SIK2: variants seen among roughly 807,000 people sequenced by gnomAD.
SIK2 encodes the protein salt inducible kinase 2, also known as serine/threonine-protein kinase SIK2.
A neutral mutation model predicts 103.2 loss-of-function variants in SIK2; 29 were observed. The ratio of observed to expected loss-of-function variants is 0.28; its 90% CI spans 0.21 to 0.38. SIK2 has a LOEUF of 0.38. Among genes scored for constraint, SIK2 ranks in the 10% least tolerant of loss-of-function variants. The probability of loss-of-function intolerance (pLI) is 1.00; values close to 1 mark genes in which losing one functional copy is unlikely to be tolerated. For missense variants in SIK2, 879 were observed against 1,171.0 expected, an observed-to-expected ratio of 0.75 and a Z score of 3.64; for synonymous variants, 412 against 446.1, an observed-to-expected ratio of 0.92 and a Z score of 0.96.
rs141363754 is a variant in SIK2 at position 111,665,752 on chromosome 11, G to C, written c.317-22249G>C. On this transcript the variant is annotated intron_variant, in intron 3 of 14. Transcript: ENST00000304987. ...GAGGCAGGAGAATCACTTGAACCCG[G>C]GAGGCAGAGGTTGTGGTGAGGTGAG... Among the ~76,000 whole-genome samples, 1,496 of 151,994 alleles carry C rather than the reference G, an allele frequency of 9.8e-3. 6 individuals carry two copies. The highest frequency in any genetic ancestry group is 0.015 in the Non-Finnish European group (1,016 of 67,978).
In SIK2 at chr11:111,602,553, CGG is replaced by C. The variant is rs1941597118; in HGVS notation, c.-8_-7del. 1 of 1,505,062 alleles carries C rather than the reference CGG, an allele frequency of 6.6e-7. No individual in the cohort carries two copies. The highest frequency in any genetic ancestry group is 1.5e-5 in the African/African-American group (1 of 68,876). The allele number at this position is 1,505,062 out of a possible 1,614,324, so 93.2% of individuals were successfully genotyped here. The stretch of plus-strand genomic sequence containing the variant: ...CGCTCCTGTCCGCCGTGTCTAGCAG[CGG>C]GGCCCAGCATGGTCATGGCGGATGG... On this transcript the variant is annotated 5_prime_UTR_variant, in exon 1 of 15. Transcript: ENST00000304987. The surrounding 1 kb of genome is among the most constrained non-coding windows in gnomAD (Gnocchi z 4.5).
Position 111,729,540 on chromosome 11 carries a change from C to G in SIK2, c.*5411C>G, listed in dbSNP as rs1347735975. On this transcript the variant is annotated 3_prime_UTR_variant, in exon 15 of 15. Transcript: ENST00000304987. ...AGATCACAGCTGGTGATAGAAGGAG[C>G]TGGGACACGCGCTTGGGTTGACTGG... 6.6e-6 allele frequency: 1 copy of G among 152,246 alleles called. No individual in the cohort carries two copies. The highest frequency in any genetic ancestry group is 2.4e-5 in the African/African-American group (1 of 41,450). The allele number at this position is 152,246 out of a possible 1,614,324, so 9.4% of individuals were successfully genotyped here.
chr11:111,620,566 T>A (rs1941868455), intron 3 of SIK2, among the ~76,000 whole-genome samples, 164 bp downstream of exon 3: 1 of 152,168 alleles, frequency 6.6e-6, no homozygotes. Flanking sequence ...AAATATAACT[T>A]ATTTCCTTGT....
rs1003816615 is a variant in SIK2 at position 111,723,605 on chromosome 11, C to T, written c.2257C>T (p.Leu753Phe). The T allele has an allele frequency of 1.9e-6, 3 of 1,614,096 alleles. No homozygotes were observed. Among genetic ancestry groups the T allele is most frequent in the African/African-American group, 2.7e-5 (2 of 74,930 alleles). ...SYPQPSQQLP[L>F]PRQETPPPSQ... is the part of the protein sequence containing the mutation. Reference sequence around the variant, plus strand: ...CCCACAGCCAAGTCAGCAGCTGCCCCTTCCCCGCCAGGAGACTCCACCGCC... The same window carrying T: ...CCCACAGCCAAGTCAGCAGCTGCCCTTTCCCCGCCAGGAGACTCCACCGCC... Residue 753 changes from leucine to phenylalanine, a missense_variant, in exon 15 of 15, where the codon CTT becomes TTT. Transcript: ENST00000304987.
intron 8 of SIK2, among the ~76,000 whole-genome samples, chr11:111,707,095 G>A (rs753147410): frequency 7.2e-5 from 11 of 151,960 alleles, no homozygotes; most frequent in Non-Finnish European, 1.2e-4. Context: ...TTTCAAGACC[G>A]AGAAAGAAGG....
In SIK2 at chr11:111,712,282, C is replaced by T. The variant is rs55848984; in HGVS notation, c.1173C>T (p.Pro391=). The T allele has an allele frequency of 5.0e-3, 8,043 of 1,614,240 alleles. 34 individuals carry two copies. Among genetic ancestry groups the T allele is most frequent in the Non-Finnish European group, 6.1e-3 (7,140 of 1,180,046 alleles). The change falls in exon 9 of 15, where the codon CCC becomes CCT. Residue 391 remains proline, a synonymous_variant. Coordinates refer to ENST00000304987, the MANE Select transcript of SIK2 (RefSeq NM_015191.3). The part of the protein sequence containing the change: ...NMRLLRSALL[P]QASNVEAFSF... Reference sequence around the variant, plus strand: ...GGCTGCTGCGATCTGCCCTCCTCCCCCAGGCATCCAACGTGGAGGCCTTTT... The same window carrying T: ...GGCTGCTGCGATCTGCCCTCCTCCCTCAGGCATCCAACGTGGAGGCCTTTT...
chr11:111,686,609 TAA>T (rs1942849926), intron 3 of SIK2, among the ~76,000 whole-genome samples: 1 of 152,208 alleles, frequency 6.6e-6, no homozygotes, highest in African/African-American at 2.4e-5. Flanking sequence ...ATGTTAAATT[TAA>T]AAGTCTTTCA....
intron 3 of SIK2, among the ~76,000 whole-genome samples, chr11:111,662,257 A>C (rs117202825): frequency 1.3e-5 from 2 of 152,254 alleles, no homozygotes; most frequent in Non-Finnish European, 1.5e-5. Context: ...TAATAATAGC[A>C]AATATTCATT....
intron 1 of SIK2, among the ~76,000 whole-genome samples, chr11:111,603,015 T>C (rs1299277224): frequency 6.6e-6 from 1 of 150,768 alleles, no homozygotes; most frequent in Non-Finnish European, 1.5e-5. Context: ...CGTGACCTGG[T>C]CTGTGGCCTC....
rs1373811801 is a variant in SIK2, at chr11:111,602,609, C to T, written c.46C>T (p.Arg16Trp). ...GPRHLQRGPV[R>W]VGFYDIEGTL... ...GAGGCACTTGCAGCGCGGGCCGGTCCGGGTGGGGTTCTACGACATCGAGGG... is the reference window on the plus strand; with the variant it reads ...GAGGCACTTGCAGCGCGGGCCGGTCTGGGTGGGGTTCTACGACATCGAGGG... The change falls in exon 1 of 15, where the codon CGG becomes TGG. Residue 16 changes from arginine (R) to tryptophan (W), a missense_variant. Arg to Trp is a moderately radical substitution (Grantham distance 101, BLOSUM62 -3). Around this residue, in one of 7 missense-constraint regions of SIK2, gnomAD observed 47 missense variants for 43.9 expected, o/e 1.07. Coordinates refer to ENST00000304987, the MANE Select transcript of SIK2 (RefSeq NM_015191.3). The surrounding 1 kb of genome is among the most constrained non-coding windows in gnomAD (Gnocchi z 4.5). 5 of 1,533,954 alleles carry T rather than the reference C, an allele frequency of 3.3e-6. No homozygotes were observed. The highest frequency in any genetic ancestry group is 2.4e-5 in the South Asian group (2 of 82,648).
chr11:111,703,483 A>G (rs1247432614), intron 7 of SIK2, 60 bp downstream of exon 7: 2 of 1,476,428 alleles, frequency 1.4e-6, no homozygotes, highest in African/African-American at 2.8e-5. Flanking sequence ...TTTCATGCTC[A>G]CACCTGTCAT....
At chr11:111,712,817 G>A (rs780019203) in intron 9 of SIK2, among the ~76,000 whole-genome samples, 3 of 152,130 alleles carry the variant, frequency 2.0e-5, no homozygotes, top group Non-Finnish European at 4.4e-5. Flanking sequence ...ATGATGGGCC[G>A]TCTTTTGTGA....
At chr11:111,654,956 T>C (rs1306618035) in intron 3 of SIK2, among the ~76,000 whole-genome samples, 3 of 152,234 alleles carry the variant, frequency 2.0e-5, no homozygotes, top group Non-Finnish European at 2.9e-5. Flanking sequence ...TTATTATGAG[T>C]ATGAAATCTG....
chr11:111,678,751 G>A (rs959325376), intron 3 of SIK2, among the ~76,000 whole-genome samples: 1 of 152,128 alleles, frequency 6.6e-6, no homozygotes, highest in African/African-American at 2.4e-5. Context: ...TGATGCTGCA[G>A]ACAGCATGAT....
intron 3 of SIK2, among the ~76,000 whole-genome samples, chr11:111,645,652 C>T (rs1203430613): frequency 6.6e-6 from 1 of 152,002 alleles, no homozygotes; most frequent in Admixed American, 6.6e-5. Flanking sequence ...GAAACCAAAT[C>T]TCTACTAAAA....
At chr11:111,627,488 T>G (rs1450450784) in intron 3 of SIK2, among the ~76,000 whole-genome samples, 2 of 152,216 alleles carry the variant, frequency 1.3e-5, no homozygotes, top group Non-Finnish European at 2.9e-5. Flanking sequence ...GGAGAAAACA[T>G]AGTACATATA....
chr11:111,618,217 T>C (rs1941834158), intron 2 of SIK2, among the ~76,000 whole-genome samples: 2 of 152,132 alleles, frequency 1.3e-5, no homozygotes, highest in Admixed American at 1.3e-4. Context: ...ATGCCACTGC[T>C]GATCTGATGG....
intron 2 of SIK2, among the ~76,000 whole-genome samples, chr11:111,617,579 G>A (rs959853041): frequency 3.3e-5 from 5 of 152,174 alleles, no homozygotes; most frequent in African/African-American, 1.2e-4. Context: ...TTACATCACA[G>A]AAACTGGCTT....
In SIK2 at chr11:111,651,846, A is replaced by G. The variant is rs547155621; in HGVS notation, c.316+31444A>G. 4.6e-5 allele frequency among the ~76,000 whole-genome samples: 7 copies of G among 152,316 alleles called. 1 individual carries two copies. The highest frequency in any genetic ancestry group is 7.2e-5 in the African/African-American group (3 of 41,574). On this transcript the variant is annotated intron_variant, in intron 3 of 14. Coordinates refer to ENST00000304987, the MANE Select transcript of SIK2 (RefSeq NM_015191.3). ...ATTTGGCTTTGTCAGTGGCAAATAC[A>G]TTATTCCAGCCAGGAGGACTTTGCA...
Sources: gnomAD v4.1 joint callset for allele counts (sites outside exome capture counted in the v4.1 genomes callset) on GRCh38, gnomAD v4.1.1 for gene constraint, gnomAD v4.1.1 regional missense constraint, Gnocchi (gnomAD v3.1) non-coding constraint, MANE v1.5 for transcripts, NCBI Gene and HGNC (gene_info 2026-07-23, HGNC 2026-07-21) for gene names.